The following RIMS4 variants were observed in gnomAD, a reference collection of about 807,000 sequenced individuals.
RIMS4 encodes regulating synaptic membrane exocytosis protein 4.
A neutral mutation model predicts 29.0 loss-of-function variants in RIMS4; 9 were observed. The ratio of observed to expected loss-of-function variants is 0.31; its 90% CI spans 0.19 to 0.54. The LOEUF (loss-of-function observed/expected upper bound fraction) is 0.54. Among genes scored for constraint, RIMS4 ranks in the 20% least tolerant of loss-of-function variants. The pLI is 0.94. For missense variants in RIMS4, 193 were observed against 365.7 expected (o/e 0.53, Z 3.85); for synonymous variants, 130 against 152.9 (o/e 0.85, Z 1.10).
rs565307687 is a variant in RIMS4 at position 44,804,623 on chromosome 20, C to T, written c.97+5552G>A. ...TCGGCTGAGGGTGAAGGCTTCCTTC[C>T]ATTCTCGCTCTCCTCCGCATCTCTC... On this transcript the variant is annotated intron_variant, in intron 1 of 5. Coordinates refer to ENST00000372851, the MANE Select transcript of RIMS4 (RefSeq NM_182970.4). Among the ~76,000 whole-genome samples the T allele has an allele frequency of 2.5e-3, 381 of 152,314 alleles. 3 individuals are homozygous for T. Among genetic ancestry groups the T allele is most frequent in the Non-Finnish European group, 3.9e-3 (265 of 68,036 alleles).
At chr20:44,759,829 T>C (rs909252163) in intron 2 of RIMS4, among the ~76,000 whole-genome samples, 24 of 152,266 alleles carry the variant, frequency 1.6e-4, no homozygotes, top group African/African-American at 5.5e-4. Flanking sequence ...GATTCTTCCC[T>C]GAACCATTTG....
intron 2 of RIMS4, among the ~76,000 whole-genome samples, chr20:44,759,257 G>GTT (rs11481779): frequency 6.8e-6 from 1 of 147,596 alleles, no homozygotes; most frequent in African/African-American, 2.5e-5. Context: ...TCTGGTTTTT[G>GTT]TTTTTTTTTT....
intron 1 of RIMS4, among the ~76,000 whole-genome samples, chr20:44,809,307 C>T (rs2066312536): frequency 6.6e-6 from 1 of 152,180 alleles, no homozygotes; most frequent in Non-Finnish European, 1.5e-5. Flanking sequence ...ACCCCAGAAC[C>T]AAATCCGGAG....
intron 2 of RIMS4, among the ~76,000 whole-genome samples, chr20:44,766,516 G>A (rs2066114417): frequency 6.6e-6 from 1 of 152,176 alleles, no homozygotes; most frequent in Non-Finnish European, 1.5e-5. Context: ...GGCAAACTGT[G>A]GTGTTCAACC....
chr20:44,791,989 C>T (rs1274166990), intron 1 of RIMS4, among the ~76,000 whole-genome samples: 1 of 152,118 alleles, frequency 6.6e-6, no homozygotes, highest in African/African-American at 2.4e-5. Flanking sequence ...CACAGGACCC[C>T]AGTGATCTGG....
chr20:44,773,104 T>C (rs545652078), intron 1 of RIMS4, among the ~76,000 whole-genome samples: 14 of 152,282 alleles, frequency 9.2e-5, no homozygotes, highest in African/African-American at 3.4e-4. Flanking sequence ...GTAAGATGCA[T>C]GCAAAGACAG....
chr20:44,774,211 G>A (rs535316376), intron 1 of RIMS4, among the ~76,000 whole-genome samples: 12 of 152,106 alleles, frequency 7.9e-5, no homozygotes, highest in South Asian at 6.2e-4. Context: ...TCCATCCCAC[G>A]TGGCTGAGAT....
intron 1 of RIMS4, 116 bp downstream of exon 1, chr20:44,810,059 G>C (rs2066316829): frequency 6.5e-6 from 3 of 459,560 alleles, no homozygotes; most frequent in East Asian, 1.1e-4. Flanking sequence ...GGAGACCCTG[G>C]GGGCGCCTTC....
chr20:44,764,260 A>ATCCATC (rs1555859479), intron 2 of RIMS4, among the ~76,000 whole-genome samples: 1 of 151,784 alleles, frequency 6.6e-6, no homozygotes, highest in Non-Finnish European at 1.5e-5. Context: ...CCATCCTCCC[A>ATCCATC]CAAACTCACC....
At chr20:44,805,237 T>C (rs1044928475) in intron 1 of RIMS4, among the ~76,000 whole-genome samples, 2 of 151,232 alleles carry the variant, frequency 1.3e-5, no homozygotes, top group African/African-American at 4.9e-5. Flanking sequence ...GCCCGGGAGG[T>C]AGAGATGGCA....
At chr20:44,777,870 G>C (rs7273004) in intron 1 of RIMS4, among the ~76,000 whole-genome samples, 8,797 of 152,204 alleles carry the variant, frequency 0.058, 828 homozygotes, top group African/African-American at 0.2. Context: ...AGTTCCCCCA[G>C]ACACAAGAGC....
chr20:44,788,889 C>T (rs1406117128), intron 1 of RIMS4, among the ~76,000 whole-genome samples: 2 of 152,004 alleles, frequency 1.3e-5, no homozygotes, highest in East Asian at 3.9e-4. Context: ...TGGAGCAGGG[C>T]TGGGCATGTA....
At chr20:44,791,383 TCTGAC>T (rs2066231871) in intron 1 of RIMS4, among the ~76,000 whole-genome samples, 1 of 152,224 alleles carries the variant, frequency 6.6e-6, no homozygotes, top group South Asian at 2.1e-4. Flanking sequence ...TTGCTAGCTG[TCTGAC>T]CTTGGGGGAA....
intron 2 of RIMS4, among the ~76,000 whole-genome samples, 166 bp from the exon 3 acceptor site, chr20:44,758,350 CAA>C (rs2066069652): frequency 6.6e-6 from 1 of 152,218 alleles, no homozygotes; most frequent in African/African-American, 2.4e-5. Context: ...CCTTGATACT[CAA>C]AGTGTGGTTC....
intron 2 of RIMS4, among the ~76,000 whole-genome samples, chr20:44,764,160 AT>A (rs2066101031): frequency 1.0e-5 from 1 of 99,948 alleles, no homozygotes; most frequent in Non-Finnish European, 2.2e-5. Context: ...TTATCCATCC[AT>A]CCATCCATCC....
Position 44,771,410 on chromosome 20 carries a change from TC to T in RIMS4, c.100del (p.Asp34ThrfsTer5). ...MNSFDDEDAG[D>X]SRRLKGAIQR... ...GATGGCCCCCTTCAGCCTCCGGCTG[TC>T]CCCTTCTGGGCAAAGCGGCCAAGAG... On this transcript the variant is annotated frameshift_variant and splice_region_variant, in exon 2 of 6. Transcript: ENST00000372851. LOFTEE classifies it high-confidence loss of function. 6.2e-7 allele frequency: 1 copy of T among 1,610,774 alleles called. No homozygotes were observed. The highest frequency in any genetic ancestry group is 8.5e-7 in the Non-Finnish European group (1 of 1,178,064).
intron 1 of RIMS4, among the ~76,000 whole-genome samples, chr20:44,809,005 C>T (rs1444963612): frequency 2.6e-5 from 4 of 152,334 alleles, no homozygotes; most frequent in South Asian, 4.1e-4. Context: ...ACTCCTCCAG[C>T]ACATACACTC....
chr20:44,795,751 T>A (rs527403707), intron 1 of RIMS4, among the ~76,000 whole-genome samples: 6 of 152,238 alleles, frequency 3.9e-5, no homozygotes, highest in African/African-American at 1.4e-4. Context: ...ATGGTAATTA[T>A]CTGTATCGGC....
At chr20:44,790,282 G>A (rs989432864) in intron 1 of RIMS4, among the ~76,000 whole-genome samples, 3 of 152,186 alleles carry the variant, frequency 2.0e-5, no homozygotes, top group Non-Finnish European at 4.4e-5. Context: ...GCCACTAAAG[G>A]AACTCAGGAC....
Sources: allele counts gnomAD v4.1 joint callset (sites outside exome capture counted in the v4.1 genomes callset), GRCh38; gene constraint gnomAD v4.1.1; transcripts MANE v1.5; gene names NCBI Gene and HGNC (gene_info 2026-07-23, HGNC 2026-07-21).